GK5: variants seen among roughly 807,000 people sequenced by gnomAD.
The protein encoded by GK5 is glycerol kinase 5.
A neutral mutation model predicts 77.3 loss-of-function variants in GK5; 39 were observed. The ratio of observed to expected loss-of-function variants is 0.50; its 90% CI spans 0.39 to 0.66. The LOEUF (loss-of-function observed/expected upper bound fraction) is 0.66. Among genes scored for constraint, GK5 ranks in the 30% least tolerant of loss-of-function variants. The probability of loss-of-function intolerance (pLI) is 0.00; values close to 1 mark genes in which losing one functional copy is unlikely to be tolerated. For missense variants in GK5, 487 were observed against 633.8 expected, an observed-to-expected ratio of 0.77 and a Z score of 2.49; for synonymous variants, 211 against 208.0, an observed-to-expected ratio of 1.01 and a Z score of -0.13.
At chr3:142,213,810 T>C (rs2064232393) in intron 2 of GK5, among the ~76,000 whole-genome samples, 1 of 152,140 alleles carries the variant, frequency 6.6e-6, no homozygotes, top group Non-Finnish European at 1.5e-5. Context: ...AAAGGTTGTT[T>C]CTTGTTTTTT....
At chr3:142,218,437 G>A (rs1478437116) in intron 1 of GK5, among the ~76,000 whole-genome samples, 1 of 149,414 alleles carries the variant, frequency 6.7e-6, no homozygotes, top group South Asian at 2.1e-4. Flanking sequence ...AGCTACTCGT[G>A]AGGCTGAGGC....
At chr3:142,173,913 C>T (rs2063575017) in intron 12 of GK5, among the ~76,000 whole-genome samples, 2 of 152,110 alleles carry the variant, frequency 1.3e-5, no homozygotes, top group South Asian at 4.1e-4. Flanking sequence ...ACCTGAAACA[C>T]CTTCTACCAC....
intron 5 of GK5, among the ~76,000 whole-genome samples, chr3:142,191,413 CTT>C (rs966561794): frequency 3.3e-5 from 5 of 151,748 alleles, no homozygotes; most frequent in African/African-American, 1.2e-4. Context: ...TAAAAAAAAA[CTT>C]TAAGTGGGGC....
chr3:142,185,429 A>T, intron 9 of GK5: 1 of 893,072 alleles, frequency 1.1e-6, no homozygotes, highest in Non-Finnish European at 1.3e-6. Flanking sequence ...AAAAAAAAAA[A>T]TCAAAAATGG....
At chr3:142,208,354 A>C (rs1346354280) in intron 3 of GK5, among the ~76,000 whole-genome samples, 1 of 152,212 alleles carries the variant, frequency 6.6e-6, no homozygotes, top group African/African-American at 2.4e-5. Flanking sequence ...TTAAGGAATC[A>C]CTGCCAAATC....
Position 142,213,767 on chromosome 3 carries a change from T to C in GK5, c.242-166A>G, listed in dbSNP as rs79571888. ...AACAAATAAAGCATTACTAAGATGA[T>C]TCTGCAGCATTTTTTTTTTACTTGA... is the stretch of plus-strand genomic sequence containing the variant. On this transcript the variant is annotated intron_variant, in intron 2 of 15. Transcript: ENST00000392993. Among the ~76,000 whole-genome samples the C allele has an allele frequency of 1.7e-3, 263 of 152,296 alleles. 1 individual carries two copies. The highest frequency in any genetic ancestry group is 6.1e-3 in the African/African-American group (254 of 41,552).
At chr3:142,172,564 C>T (rs1214225487) in intron 12 of GK5, 108 bp from the exon 13 acceptor site, 6 of 508,078 alleles carry the variant, frequency 1.2e-5, no homozygotes, top group East Asian at 6.0e-5. Flanking sequence ...GAAAATAATG[C>T]TATGGTTAAA....
In GK5 at chr3:142,176,352, A is replaced by G. The variant is rs529476980; in HGVS notation, c.1143+1130T>C. On this transcript the variant is annotated intron_variant, in intron 12 of 15. Coordinates refer to ENST00000392993, the MANE Select transcript of GK5 (RefSeq NM_001039547.3). ...ATATGAGATAAGCAAGAAGAAAGAG[A>G]AAGTTGTATTTTTTGAAAGGAAAAA... 3.2e-4 allele frequency among the ~76,000 whole-genome samples: 48 copies of G among 152,272 alleles called. 2 individuals are homozygous for G. In the South Asian group the frequency reaches 9.8e-3, roughly 31 times the overall value.
chr3:142,178,661 TCTATTAGTGATATACATCTGGGTAGTTC>T (rs1414520352), intron 11 of GK5, among the ~76,000 whole-genome samples: 1 of 152,246 alleles, frequency 6.6e-6, no homozygotes, highest in African/African-American at 2.4e-5. Flanking sequence ...ATCAATTTAT[TCTATTAGTGATATACATCTGGGTAGTTC>T]CTAGTGTTTG....
intron 9 of GK5, among the ~76,000 whole-genome samples, chr3:142,184,499 G>GT (rs2063741312): frequency 6.6e-6 from 1 of 151,842 alleles, no homozygotes; most frequent in Non-Finnish European, 1.5e-5. Context: ...AATAAAAATT[G>GT]TAACATTTTG....
chr3:142,171,517 TATC>T (rs2108781033), intron 13 of GK5, 39 bp from the exon 14 acceptor site: 1 of 1,273,378 alleles, frequency 7.9e-7, no homozygotes, highest in Non-Finnish European at 1.1e-6. Context: ...AAGAAATTCA[TATC>T]ATAATAATTC....
rs1553825247 is a variant in GK5, at chr3:142,159,853, C to CTCTCTTTTTTTTTTTTTTTTTTTTTTTTT, written c.*5768_*5769insAAAAAAAAAAAAAAAAAAAAAAAAAGAGA. 1.9e-5 allele frequency: 2 copies of CTCTCTTTTTTTTTTTTTTTTTTTTTTTTT among 106,124 alleles called. No individual in the cohort carries two copies. Among genetic ancestry groups the CTCTCTTTTTTTTTTTTTTTTTTTTTTTTT allele is most frequent in the Non-Finnish European group, 3.8e-5 (2 of 53,072 alleles). 6.6% of individuals were successfully genotyped at this position (106,124 alleles called of 1,614,324 possible). A position where few individuals can be genotyped will look rare whatever the true frequency, so the allele number is the denominator to read the frequency against. On this transcript the variant is annotated 3_prime_UTR_variant, in exon 16 of 16. Coordinates refer to ENST00000392993, the MANE Select transcript of GK5 (RefSeq NM_001039547.3). ...TTTCTCTCTCTCTCTCTCTCTCTCT[C>CTCTCTTTTTTTTTTTTTTTTTTTTTTTTT]TTTTTTTTTTTTGAGACAGAGTCTC... is the stretch of plus-strand genomic sequence containing the variant.
chr3:142,220,193 A>G (rs1202589829), intron 1 of GK5, among the ~76,000 whole-genome samples: 1 of 152,196 alleles, frequency 6.6e-6, no homozygotes, highest in Non-Finnish European at 1.5e-5. Context: ...GCTGGAGAGC[A>G]GTGGCGCAAT....
chr3:142,183,192 A>G, intron 9 of GK5, 143 bp from the exon 10 acceptor site: 1 of 708,148 alleles, frequency 1.4e-6, no homozygotes, highest in African/African-American at 1.8e-5. Flanking sequence ...AAAAAATCCC[A>G]AAGAGAATAG....
At chr3:142,170,139 G>C in intron 15 of GK5, 186 bp downstream of exon 15, 2 of 707,050 alleles carry the variant, frequency 2.8e-6, no homozygotes, top group South Asian at 3.1e-5. Flanking sequence ...GATAGAAGAG[G>C]TGCAACCAGA....
rs1402023524 is a variant in GK5, at chr3:142,164,764, T to G, written c.*858A>C. On this transcript the variant is annotated 3_prime_UTR_variant, in exon 16 of 16. Transcript: ENST00000392993. ...GGCACTTAATAAAAACAAAAGACAT[T>G]TATACAAGCATCTAAATAACAAAGA... 1 of 152,078 alleles carries G rather than the reference T, an allele frequency of 6.6e-6. No individual in the cohort carries two copies. Among genetic ancestry groups the G allele is most frequent in the Non-Finnish European group, 1.5e-5 (1 of 68,014 alleles). The allele number at this position is 152,078 out of a possible 1,614,324, so 9.4% of individuals were successfully genotyped here. A position where few individuals can be genotyped will look rare whatever the true frequency, so the allele number is the denominator to read the frequency against.
intron 5 of GK5, among the ~76,000 whole-genome samples, chr3:142,192,763 CAAA>C (rs201417747): frequency 4.8e-5 from 4 of 82,894 alleles, no homozygotes; most frequent in Non-Finnish European, 5.4e-5. Flanking sequence ...GACTCTGTCT[CAAA>C]AAAAAAAAAA....
rs1412256685 is a variant in GK5, at chr3:142,160,309, T to C, written c.*5313A>G. 6.6e-6 allele frequency: 1 copy of C among 152,204 alleles called. No individual in the cohort carries two copies. 9.4% of individuals were successfully genotyped at this position (152,204 alleles called of 1,614,324 possible). A position where few individuals can be genotyped will look rare whatever the true frequency, so the allele number is the denominator to read the frequency against. ...TTATCCTGGGGCTTTTAATTCTTAC[T>C]GAAAATCATAGTCTAAATTTCCCAA... On this transcript the variant is annotated 3_prime_UTR_variant, in exon 16 of 16. Transcript: ENST00000392993.
intron 1 of GK5, among the ~76,000 whole-genome samples, chr3:142,224,118 T>TA (rs1483636095): frequency 6.6e-6 from 1 of 152,046 alleles, no homozygotes; most frequent in Non-Finnish European, 1.5e-5. Context: ...AAGAACACCA[T>TA]AACAGGCTGG....
Sources: allele counts gnomAD v4.1 joint callset (sites outside exome capture counted in the v4.1 genomes callset), GRCh38; gene constraint gnomAD v4.1.1; transcripts MANE v1.5; gene names NCBI Gene and HGNC (gene_info 2026-07-23, HGNC 2026-07-21).